Variants in MYH14 observed in about 807,000 individuals in gnomAD.
MYH14 encodes the protein myosin-14.
Under a neutral mutation model 255.5 loss-of-function variants are expected in MYH14, and 123 were observed. That is an observed-to-expected ratio of 0.48 (90% CI 0.42 to 0.56). The LOEUF (loss-of-function observed/expected upper bound fraction) is 0.56, where lower values mean the gene tolerates loss of function less well. MYH14 is among the 20% of genes least tolerant of loss of function. MYH14 has a pLI of 0.00. For synonymous variants in MYH14, 1,095 were observed against 1,161.2 expected (o/e 0.94, Z 1.16); for missense variants, 2,423 against 2,802.3 (o/e 0.86, Z 3.06).
chr19:50,260,799 A>ATG (rs2034808049), intron 20 of MYH14, 84 bp downstream of exon 20: 1 of 1,016,940 alleles, frequency 9.8e-7, no homozygotes, highest in African/African-American at 1.8e-5. Context: ...GTGCATGCAT[A>ATG]TGTGTGCATG....
chr19:50,291,080 G>A, intron 36 of MYH14, 32 bp downstream of exon 36: 13 of 1,605,788 alleles, frequency 8.1e-6, no homozygotes, highest in Non-Finnish European at 1.1e-5. Flanking sequence ...AGGGAGGGGA[G>A]GCTTTGGTGT....
At chr19:50,277,218 G>T (rs566809015) in intron 29 of MYH14, among the ~76,000 whole-genome samples, 2 of 152,236 alleles carry the variant, frequency 1.3e-5, no homozygotes, top group African/African-American at 4.8e-5. Flanking sequence ...GTGCTATGGG[G>T]CCATAATGAA....
chr19:50,211,077 T>A (rs757300115), intron 2 of MYH14, among the ~76,000 whole-genome samples: 20 of 152,210 alleles, frequency 1.3e-4, no homozygotes, highest in Non-Finnish European at 1.6e-4. Context: ...GAAACAGATG[T>A]GTGACAATCA....
At chr19:50,222,700 A>G (rs805461) in intron 3 of MYH14, among the ~76,000 whole-genome samples, 8,476 of 152,156 alleles carry the variant, frequency 0.056, 668 homozygotes, top group African/African-American at 0.17. Flanking sequence ...GGCCCAGGGC[A>G]GGCGCTGGGG....
intron 40 of MYH14, among the ~76,000 whole-genome samples, chr19:50,302,284 T>TA (rs57153887): frequency 0.08 from 9,415 of 117,168 alleles, 390 homozygotes; most frequent in Middle Eastern, 0.13. Flanking sequence ...ACCTTGTCTC[T>TA]AAAAAAAAAA....
Position 50,252,682 on chromosome 19 carries a change from C to A in MYH14, c.1874C>A (p.Pro625His). Residue 625 changes from proline to histidine, a missense_variant, in exon 16 of 43, where the codon CCT (proline) becomes CAT (histidine). Coordinates refer to ENST00000642316, the MANE Select transcript of MYH14 (RefSeq NM_001145809.2). This position sits in a 1 kb window ranked among gnomAD's most constrained non-coding sequence, Gnocchi z 4.2. ...ANEWLMKNMDPLNDNVAALLH... is the reference protein window; with the variant it reads ...ANEWLMKNMDHLNDNVAALLH... ...GAGTGGCTGATGAAAAACATGGACC[C>A]TCTGAATGACAACGTCGCAGCCTTG... 1 of 1,601,874 alleles carries A rather than the reference C, an allele frequency of 6.2e-7. No homozygotes were observed.
intron 39 of MYH14, among the ~76,000 whole-genome samples, chr19:50,294,424 T>C (rs1424604575): frequency 2.2e-5 from 3 of 134,538 alleles, no homozygotes; most frequent in African/African-American, 8.1e-5. Flanking sequence ...TCTTCATTAG[T>C]TTTTTTCTAA....
intron 2 of MYH14, among the ~76,000 whole-genome samples, chr19:50,211,991 C>T (rs1350623687): frequency 6.6e-6 from 1 of 151,868 alleles, no homozygotes; most frequent in African/African-American, 2.4e-5. Context: ...CTGTCTCAAA[C>T]AAAACGAAAC....
chr19:50,281,615 C>A lies in MYH14; in HGVS notation c.4312C>A (p.Gln1438Lys), dbSNP rs1373772307. 2 of 1,594,884 alleles carry A rather than the reference C, an allele frequency of 1.3e-6. No individual in the cohort carries two copies. Among genetic ancestry groups the A allele is most frequent in the Non-Finnish European group, 1.7e-6 (2 of 1,170,156 alleles). ...TCAGCTTTCCGAGTGGCGGCGGCGC[C>A]AGGAGGAGGAGGCAGGGGCACTGGA... ...QAQLSEWRRR[Q>K]EEEAGALEAG... The change falls in exon 33 of 43, where the codon CAG becomes AAG. Residue 1438 changes from glutamine (Q) to lysine (K), a missense_variant. Physicochemically the swap from Gln to Lys is moderately conservative, Grantham distance 53 (BLOSUM62 1). This residue lies in a region of MYH14 where 1,513 missense variants were observed against 1,674.8 expected (regional missense o/e 0.90). Transcript: ENST00000642316.
chr19:50,299,099 A>G (rs2036385583), intron 39 of MYH14, among the ~76,000 whole-genome samples: 1 of 152,140 alleles, frequency 6.6e-6, no homozygotes. Context: ...CAGAAAACAA[A>G]AAACAAAAAA....
rs565857493 is a variant in MYH14 at position 50,215,987 on chromosome 19, T to G, written c.406-1628T>G. The stretch of plus-strand genomic sequence containing the variant: ...AAGCGACAAGCCCAGAGTAGCTAAC[T>G]AGCTAAGCCACTAAGCAGGTAATTC... On this transcript the variant is annotated intron_variant, in intron 2 of 42. Transcript: ENST00000642316. Among the ~76,000 whole-genome samples the G allele has an allele frequency of 3.3e-5, 5 of 152,330 alleles. No homozygotes were observed. In the East Asian group the frequency reaches 9.6e-4, roughly 29 times the overall value.
chr19:50,260,225 AAGACAG>A (rs2034772029), intron 19 of MYH14, among the ~76,000 whole-genome samples: 1 of 152,180 alleles, frequency 6.6e-6, no homozygotes, highest in Non-Finnish European at 1.5e-5. Context: ...TCAGGAGTTC[AAGACAG>A]CCTGGCCATC....
In MYH14 at chr19:50,210,389, G is replaced by T. The variant is rs780830508; in HGVS notation, c.24G>T (p.Val8=). The T allele has an allele frequency of 6.3e-6, 10 of 1,585,304 alleles. No homozygotes were observed. The Admixed American group carries it at 1.4e-4, about 22-fold the overall frequency. MAAVTMS[V]PGRKAPPRPG... is the part of the protein sequence containing the mutation. ...CCATGGCAGCCGTGACCATGTCGGT[G>T]CCCGGGCGGAAGGCGCCCCCCAGGC... The change falls in exon 2 of 43, where the codon GTG becomes GTT. Residue 8 remains valine, a synonymous_variant. Coordinates refer to ENST00000642316, the MANE Select transcript of MYH14 (RefSeq NM_001145809.2).
intron 34 of MYH14, among the ~76,000 whole-genome samples, chr19:50,286,951 C>G (rs2035912152): frequency 6.6e-6 from 1 of 152,078 alleles, no homozygotes; most frequent in African/African-American, 2.4e-5. Flanking sequence ...AACCCTGTCT[C>G]TACTAAAAAT....
Position 50,266,406 on chromosome 19 carries a change from A to G in MYH14, c.2695-471A>G, listed in dbSNP as rs528921974. On this transcript the variant is annotated intron_variant, in intron 22 of 42. Transcript: ENST00000642316. This position sits in a 1 kb window ranked among gnomAD's most constrained non-coding sequence, Gnocchi z 4.1. ...CGAAACCCTCTCTACTGAAAGCACA[A>G]AAATTAGCCGGACGTGGTGGCATAC... is the stretch of plus-strand genomic sequence containing the variant. 6.6e-6 allele frequency among the ~76,000 whole-genome samples: 1 copy of G among 152,144 alleles called. No individual in the cohort carries two copies. The highest frequency in any genetic ancestry group is 1.5e-5 in the Non-Finnish European group (1 of 68,020).
intron 39 of MYH14, among the ~76,000 whole-genome samples, chr19:50,297,253 G>C (rs969837522): frequency 2.6e-5 from 4 of 151,940 alleles, no homozygotes; most frequent in Non-Finnish European, 5.9e-5. Flanking sequence ...CAAAGTGCTG[G>C]GATTACAGAC....
chr19:50,268,470 A>G (rs2035177177), intron 24 of MYH14, 103 bp downstream of exon 24: 4 of 1,281,690 alleles, frequency 3.1e-6, no homozygotes, highest in Non-Finnish European at 4.3e-6. Context: ...ATGAATTTGT[A>G]GAAAACTCAG....
intron 41 of MYH14, 116 bp downstream of exon 41, chr19:50,307,273 G>T: frequency 1.5e-6 from 1 of 647,098 alleles, no homozygotes. Flanking sequence ...TGCAGGTGCT[G>T]GACTGGAACT....
At chr19:50,305,967 G>A (rs963164879) in intron 40 of MYH14, among the ~76,000 whole-genome samples, 26 of 151,790 alleles carry the variant, frequency 1.7e-4, no homozygotes, top group African/African-American at 6.3e-4. Flanking sequence ...AGCAAAGAAT[G>A]ACCAGATGAT....
Sources: gnomAD v4.1 joint callset for allele counts (sites outside exome capture counted in the v4.1 genomes callset) on GRCh38, gnomAD v4.1.1 for gene constraint, gnomAD v4.1.1 regional missense constraint, Gnocchi (gnomAD v3.1) non-coding constraint, MANE v1.5 for transcripts, NCBI Gene and HGNC (gene_info 2026-07-23, HGNC 2026-07-21) for gene names.